ASTN2: variants seen among roughly 807,000 people sequenced by gnomAD.
ASTN2 encodes astrotactin-2.
A neutral mutation model predicts 139.8 loss-of-function variants in ASTN2; 54 were observed. That is an observed-to-expected ratio of 0.39 (90% confidence interval 0.31 to 0.48). The LOEUF (loss-of-function observed/expected upper bound fraction) is 0.48, where lower values mean the gene tolerates loss of function less well. Among genes scored for constraint, ASTN2 ranks in the 20% least tolerant of loss-of-function variants. The probability of loss-of-function intolerance (pLI) is 0.95; values close to 1 mark genes in which losing one functional copy is unlikely to be tolerated. For synonymous variants in ASTN2, 756 were observed against 719.5 expected (o/e 1.05, Z -0.81); for missense variants, 1,565 against 1,725.1 (o/e 0.91, Z 1.64).
At chr9:117,315,950 T>C (rs1455886488) in intron 1 of ASTN2, among the ~76,000 whole-genome samples, 4 of 152,226 alleles carry the variant, frequency 2.6e-5, no homozygotes, top group Non-Finnish European at 5.9e-5. Flanking sequence ...GCAACGTCTA[T>C]TGACTGCTCG....
At chr9:116,886,248 G>C (rs1029541985) in intron 10 of ASTN2, among the ~76,000 whole-genome samples, 6 of 152,248 alleles carry the variant, frequency 3.9e-5, no homozygotes, top group African/African-American at 1.4e-4. Flanking sequence ...TGCCTTGCCA[G>C]TGGGAAAAGA....
rs148518121 is a variant in ASTN2, at chr9:117,242,195, T to C, written c.631-27453A>G. Among the ~76,000 whole-genome samples the C allele has an allele frequency of 3.9e-3, 599 of 152,122 alleles. 2 individuals carry two copies. Among genetic ancestry groups the C allele is most frequent in the South Asian group, 0.019 (90 of 4,810 alleles). On this transcript the variant is annotated intron_variant, in intron 2 of 22. Coordinates refer to ENST00000313400, the MANE Select transcript of ASTN2 (RefSeq NM_001365068.1). ...TTACTATAAATCCTCTTAGAGAGTG[T>C]TTCCTATTTGGAATGGTTCCCCTGG...
At chr9:117,246,579 A>G (rs1016373723) in intron 2 of ASTN2, among the ~76,000 whole-genome samples, 1 of 152,232 alleles carries the variant, frequency 6.6e-6, no homozygotes, top group African/African-American at 2.4e-5. Flanking sequence ...CCATTCAATA[A>G]CTTCCTGCTG....
At chr9:117,105,797 A>G (rs902953469) in intron 4 of ASTN2, among the ~76,000 whole-genome samples, 4 of 152,176 alleles carry the variant, frequency 2.6e-5, no homozygotes, top group African/African-American at 9.7e-5. Context: ...GTGTGACTGA[A>G]AAATATATTA....
At chr9:117,271,710 A>G (rs1834069659) in intron 2 of ASTN2, among the ~76,000 whole-genome samples, 1 of 152,224 alleles carries the variant, frequency 6.6e-6, no homozygotes, top group South Asian at 2.1e-4. Flanking sequence ...TACAGGGCCT[A>G]TGCAAGTCTG....
intron 3 of ASTN2, among the ~76,000 whole-genome samples, chr9:117,207,813 G>A (rs1286840798): frequency 2.6e-5 from 4 of 152,166 alleles, no homozygotes; most frequent in Non-Finnish European, 5.9e-5. Flanking sequence ...ATAGCCCAGT[G>A]AGCCCAATCC....
chr9:116,865,546 AG>A (rs1832994049), intron 10 of ASTN2, among the ~76,000 whole-genome samples: 2 of 150,446 alleles, frequency 1.3e-5, no homozygotes, highest in Admixed American at 1.3e-4. Flanking sequence ...GGAGCTCTGG[AG>A]CTGAGAAGGC....
intron 5 of ASTN2, among the ~76,000 whole-genome samples, chr9:117,063,151 T>A (rs1839341279): frequency 6.6e-6 from 1 of 152,206 alleles, no homozygotes; most frequent in Admixed American, 6.5e-5. Flanking sequence ...ATAGTTACAG[T>A]TAAAATATAT....
At chr9:116,609,979 A>G (rs1214495423) in intron 19 of ASTN2, among the ~76,000 whole-genome samples, 5 of 152,160 alleles carry the variant, frequency 3.3e-5, no homozygotes, top group Admixed American at 2.0e-4. Context: ...TAATAAAGTC[A>G]ACAAAGGAGA....
chr9:116,949,476 C>T lies in ASTN2; in HGVS notation c.1889+25732G>A, dbSNP rs540164044. ...GATGAAATCTCCTTCTCTTCTGGGG[C>T]GGAAGTAAAGAGGATGGGCTGAGAC... On this transcript the variant is annotated intron_variant, in intron 10 of 22. Coordinates refer to ENST00000313400, the MANE Select transcript of ASTN2 (RefSeq NM_001365068.1). 3.4e-4 allele frequency among the ~76,000 whole-genome samples: 52 copies of T among 152,108 alleles called. No homozygotes were observed. The East Asian group carries it at 7.9e-3, about 23-fold the overall frequency.
intron 11 of ASTN2, among the ~76,000 whole-genome samples, chr9:116,835,169 T>C (rs953517071): frequency 6.6e-6 from 1 of 152,174 alleles, no homozygotes; most frequent in Non-Finnish European, 1.5e-5. Context: ...TGAAGACCAA[T>C]TCTGATTTTT....
chr9:116,864,321 C>T (rs1832964688), intron 10 of ASTN2, among the ~76,000 whole-genome samples: 2 of 152,090 alleles, frequency 1.3e-5, no homozygotes, highest in East Asian at 1.9e-4. Flanking sequence ...GGAGTCTGAC[C>T]CTCCAGGGCC....
At chr9:117,357,060 T>A (rs1337641409) in intron 1 of ASTN2, among the ~76,000 whole-genome samples, 1 of 152,030 alleles carries the variant, frequency 6.6e-6, no homozygotes, top group African/African-American at 2.4e-5. Flanking sequence ...CAATACTCCA[T>A]CTCAAAATAA....
intron 16 of ASTN2, among the ~76,000 whole-genome samples, chr9:116,682,500 A>G (rs1244349269): frequency 6.6e-6 from 1 of 152,188 alleles, no homozygotes; most frequent in East Asian, 1.9e-4. Context: ...TAGAAATACC[A>G]TTTGACCCAG....
At chr9:116,581,153 G>A (rs1853935694) in intron 19 of ASTN2, among the ~76,000 whole-genome samples, 1 of 152,082 alleles carries the variant, frequency 6.6e-6, no homozygotes, top group Non-Finnish European at 1.5e-5. Flanking sequence ...GGCATTTGGG[G>A]TCTAGGAAGC....
At chr9:117,026,120 A>T (rs1269897342) in intron 6 of ASTN2, among the ~76,000 whole-genome samples, 2 of 149,538 alleles carry the variant, frequency 1.3e-5, no homozygotes, top group Non-Finnish European at 3.0e-5. Flanking sequence ...TTTTTTTTTT[A>T]AATCTAAATA....
At chr9:117,014,201 GA>G (rs1564384446) in intron 6 of ASTN2, among the ~76,000 whole-genome samples, 1 of 151,988 alleles carries the variant, frequency 6.6e-6, no homozygotes, top group Non-Finnish European at 1.5e-5. Context: ...CTATCAGCCC[GA>G]CAGACCCAAG....
At position 117,176,030 on chromosome 9, in the gene ASTN2, T is replaced by TA. The variant is rs34062604; in HGVS notation, c.1016-34553dup. Reference sequence around the variant, plus strand: ...TTATAAGGAACATTTACTAATCAGGTAAAAAAAAAACCATCATAAAAATAT... The same window carrying TA: ...TTATAAGGAACATTTACTAATCAGGTAAAAAAAAAAACCATCATAAAAATAT... On this transcript the variant is annotated intron_variant, in intron 3 of 22. Coordinates refer to ENST00000313400, the MANE Select transcript of ASTN2 (RefSeq NM_001365068.1). Among the ~76,000 whole-genome samples, 1,260 of 146,460 alleles carry TA rather than the reference T, an allele frequency of 8.6e-3. 29 individuals carry two copies. The highest frequency in any genetic ancestry group is 0.045 in the Admixed American group (656 of 14,688).
intron 6 of ASTN2, among the ~76,000 whole-genome samples, chr9:117,024,885 T>C (rs1168533775): frequency 6.6e-6 from 1 of 152,130 alleles, no homozygotes; most frequent in Non-Finnish European, 1.5e-5. Flanking sequence ...TCCCCCATAC[T>C]GTTCTCATGG....
Sources: gnomAD v4.1 joint callset for allele counts (sites outside exome capture counted in the v4.1 genomes callset) on GRCh38, gnomAD v4.1.1 for gene constraint, MANE v1.5 for transcripts, NCBI Gene and HGNC (gene_info 2026-07-23, HGNC 2026-07-21) for gene names.